SGO2: variants seen among roughly 807,000 people sequenced by gnomAD.
SGO2 encodes shugoshin-like 2.
A neutral mutation model predicts 99.5 loss-of-function variants in SGO2; 68 were observed. The observed-to-expected ratio is 0.68, with a 90% CI of 0.56 to 0.84. The LOEUF (loss-of-function observed/expected upper bound fraction) is 0.84, where lower values mean the gene tolerates loss of function less well. SGO2 is among the 40% of genes least tolerant of loss of function. SGO2 has a pLI of 0.00. For synonymous variants in SGO2, 457 were observed against 487.1 expected, an observed-to-expected ratio of 0.94 and a Z score of 0.81; for missense variants, 1,350 against 1,436.7, an observed-to-expected ratio of 0.94 and a Z score of 0.97.
Position 200,572,054 on chromosome 2 carries a change from A to G in SGO2, c.1708A>G (p.Thr570Ala), listed in dbSNP as rs74910508. The G allele has an allele frequency of 3.1e-6, 5 of 1,613,412 alleles. No individual in the cohort carries two copies. Among genetic ancestry groups the G allele is most frequent in the Non-Finnish European group, 4.2e-6 (5 of 1,179,638 alleles). Residue 570 changes from threonine to alanine, a missense_variant, in exon 7 of 9, where the codon ACA becomes GCA. Physicochemically the swap from Thr to Ala is moderately conservative, Grantham distance 58. Coordinates refer to ENST00000357799, the MANE Select transcript of SGO2 (RefSeq NM_152524.6). The part of the protein sequence containing the change: ...ENLDVTNEFH[T>A]ANLSTKDNGN... ...CCTAGACGTCACAAATGAATTTCACACAGCCAATCTTTCCACCAAAGATAA... is the reference window on the plus strand; with the variant it reads ...CCTAGACGTCACAAATGAATTTCACGCAGCCAATCTTTCCACCAAAGATAA...
chr2:200,529,490 C>G (rs560598702), intron 1 of SGO2, among the ~76,000 whole-genome samples: 1 of 151,256 alleles, frequency 6.6e-6, no homozygotes, highest in South Asian at 2.1e-4. Flanking sequence ...AGGGAAGGAG[C>G]TACAGTTTTG....
intron 5 of SGO2, among the ~76,000 whole-genome samples, chr2:200,557,736 T>TA (rs1359037462): frequency 1.3e-5 from 2 of 152,184 alleles, no homozygotes; most frequent in East Asian, 3.8e-4. Flanking sequence ...AATAAAATTT[T>TA]ACTATTTGTG....
chr2:200,573,377 G>C lies in SGO2; in HGVS notation c.3031G>C (p.Glu1011Gln), dbSNP rs75940013. Residue 1011 changes from glutamate to glutamine, a missense_variant, in exon 7 of 9, where the codon GAA becomes CAA. Coordinates refer to ENST00000357799, the MANE Select transcript of SGO2 (RefSeq NM_152524.6). ...GAACAAACTTGCTTCACAGTTAACA[G>C]AATCTTCACAGACATCTATCTCCTT... ...AKNKLASQLT[E>Q]SSQTSISLES... The C allele has an allele frequency of 5.0e-6, 8 of 1,602,128 alleles. No homozygotes were observed. In the East Asian group the frequency reaches 1.8e-4, roughly 36 times the overall value.
intron 1 of SGO2, chr2:200,532,285 T>G (rs1373287957): frequency 4.8e-5 from 13 of 272,008 alleles, no homozygotes; most frequent in South Asian, 4.6e-4. Flanking sequence ...TTTTTTTTTG[T>G]TTTTTTTTTT....
chr2:200,565,647 G>A (rs758361264), intron 5 of SGO2, among the ~76,000 whole-genome samples: 23 of 152,112 alleles, frequency 1.5e-4, no homozygotes, highest in Admixed American at 3.3e-4. Flanking sequence ...GATAATATCC[G>A]GAAGAGTGTT....
At chr2:200,553,030 G>C (rs989643254) in intron 5 of SGO2, among the ~76,000 whole-genome samples, 1 of 152,110 alleles carries the variant, frequency 6.6e-6, no homozygotes, top group Admixed American at 6.6e-5. Flanking sequence ...ACTTCTTCAG[G>C]CTGAATAGGG....
At chr2:200,575,068 A>G (rs191124816) in intron 7 of SGO2, among the ~76,000 whole-genome samples, 36 of 152,142 alleles carry the variant, frequency 2.4e-4, no homozygotes, top group Admixed American at 7.9e-4. Context: ...AATGAACTGT[A>G]ATTTGTGTGC....
intron 5 of SGO2, among the ~76,000 whole-genome samples, chr2:200,559,853 T>G (rs1279038581): frequency 6.6e-6 from 1 of 152,226 alleles, no homozygotes; most frequent in Non-Finnish European, 1.5e-5. Flanking sequence ...TTTTTATTTT[T>G]ACTTTTTGTT....
At chr2:200,577,292 G>A (rs1282373856) in intron 8 of SGO2, among the ~76,000 whole-genome samples, 1 of 152,112 alleles carries the variant, frequency 6.6e-6, no homozygotes. Flanking sequence ...GATGTTGAGC[G>A]TCTTTTCATG....
At chr2:200,529,822 C>G (rs917968786) in intron 1 of SGO2, among the ~76,000 whole-genome samples, 1 of 152,236 alleles carries the variant, frequency 6.6e-6, no homozygotes, top group Non-Finnish European at 1.5e-5. Context: ...GCCACTGCAC[C>G]CAGCCTGGAG....
intron 4 of SGO2, 124 bp downstream of exon 4, chr2:200,536,266 A>G (rs1187811482): frequency 3.8e-6 from 2 of 521,406 alleles, no homozygotes; most frequent in South Asian, 3.1e-5. Flanking sequence ...TGATGATAAT[A>G]TCAGTTTTAA....
intron 6 of SGO2, 72 bp downstream of exon 6, chr2:200,569,964 A>T: frequency 1.0e-6 from 1 of 981,346 alleles, no homozygotes; most frequent in East Asian, 2.4e-5. Flanking sequence ...TCCTGAGGGC[A>T]ATTATGTATA....
intron 5 of SGO2, among the ~76,000 whole-genome samples, chr2:200,549,447 C>T (rs141487599): frequency 0.022 from 3,337 of 152,186 alleles, 53 homozygotes; most frequent in Non-Finnish European, 0.035. Flanking sequence ...AAGGACACAA[C>T]GAAAAAATAA....
In SGO2 at chr2:200,573,070, T is replaced by G; in HGVS notation, c.2724T>G (p.Asn908Lys). 2 of 1,574,362 alleles carry G rather than the reference T, an allele frequency of 1.3e-6. No homozygotes were observed. Among genetic ancestry groups the G allele is most frequent in the Non-Finnish European group, 1.7e-6 (2 of 1,168,730 alleles). Reference sequence around the variant, plus strand: ...AATCAAAAATAAATAAGCTCAGGAATAAAGTGAATTGGAAGACAGAAATAA... The same window carrying G: ...AATCAAAAATAAATAAGCTCAGGAAGAAAGTGAATTGGAAGACAGAAATAA... ...QNESKINKLRNKVNWKTEIIS... is the reference protein window; with the variant it reads ...QNESKINKLRKKVNWKTEIIS... The change falls in exon 7 of 9, where the codon AAT (asparagine) becomes AAG (lysine). Residue 908 changes from asparagine (N) to lysine (K), a missense_variant. By Grantham distance (94) the Asn-to-Lys change is moderately conservative. Transcript: ENST00000357799.
intron 5 of SGO2, among the ~76,000 whole-genome samples, chr2:200,547,584 T>A (rs1479875781): frequency 6.6e-6 from 1 of 152,198 alleles, no homozygotes; most frequent in Non-Finnish European, 1.5e-5. Context: ...TGTTAATAGA[T>A]AATATAAAAA....
Position 200,532,955 on chromosome 2 carries a change from T to C in SGO2, c.-2-19T>C. The C allele has an allele frequency of 6.3e-7, 1 of 1,598,590 alleles. No homozygotes were observed. Among genetic ancestry groups the C allele is most frequent in the Non-Finnish European group, 8.5e-7 (1 of 1,175,742 alleles). On this transcript the variant is annotated intron_variant, in intron 1 of 8. Coordinates refer to ENST00000357799, the MANE Select transcript of SGO2 (RefSeq NM_152524.6). ...TCTTTTATTAATCAATACTATGATT[T>C]TTTTTTCTTTCACTTCAGTGATGGA... is the stretch of plus-strand genomic sequence containing the variant.
chr2:200,560,637 T>C (rs1206644235), intron 5 of SGO2, among the ~76,000 whole-genome samples: 3 of 152,206 alleles, frequency 2.0e-5, no homozygotes, highest in Non-Finnish European at 4.4e-5. Context: ...TGATGTATTA[T>C]TCTTTCTATA....
rs2033369552 is a variant in SGO2, at chr2:200,570,563, ATATG to A, written c.704-486_704-483del. Among the ~76,000 whole-genome samples the A allele has an allele frequency of 6.6e-6, 1 of 151,366 alleles. No homozygotes were observed. The highest frequency in any genetic ancestry group is 2.4e-5 in the African/African-American group (1 of 41,242). On this transcript the variant is annotated intron_variant, in intron 6 of 8. Transcript: ENST00000357799. The surrounding 1 kb of genome is among the most constrained non-coding windows in gnomAD (Gnocchi z 4.4). ...CACACACACATATATACACACATAT[ATATG>A]GTATACATATAATGTATACAGTATA...
At chr2:200,552,199 A>C (rs1330717608) in intron 5 of SGO2, among the ~76,000 whole-genome samples, 1 of 151,860 alleles carries the variant, frequency 6.6e-6, no homozygotes, top group Non-Finnish European at 1.5e-5. Context: ...ATTTATTTCT[A>C]TTCATTTCAT....
Sources: allele counts gnomAD v4.1 joint callset (sites outside exome capture counted in the v4.1 genomes callset), GRCh38; gene constraint gnomAD v4.1.1; non-coding constraint Gnocchi (gnomAD v3.1); transcripts MANE v1.5; gene names NCBI Gene and HGNC (gene_info 2026-07-23, HGNC 2026-07-21).